BABAM2: variants seen among roughly 807,000 people sequenced by gnomAD.
The protein encoded by BABAM2 is BRISC and BRCA1-A complex member 2.
In BABAM2, 31 loss-of-function variants were observed where a neutral mutation model predicts 54.7. The ratio of observed to expected loss-of-function variants is 0.57; its 90% CI spans 0.43 to 0.77. The LOEUF is 0.77. Among genes scored for constraint, BABAM2 ranks in the 30% least tolerant of loss-of-function variants. BABAM2 has a pLI of 0.00. For synonymous variants in BABAM2, 167 were observed against 162.9 expected (o/e 1.03, Z -0.19); for missense variants, 364 against 455.8 (o/e 0.80, Z 1.83).
At chr2:28,058,916 G>A (rs1678647757) in intron 6 of BABAM2, among the ~76,000 whole-genome samples, 1 of 152,132 alleles carries the variant, frequency 6.6e-6, no homozygotes, top group South Asian at 2.1e-4. Flanking sequence ...AACAACAACG[G>A]CTCCTTCACT....
intron 9 of BABAM2, 95 bp from the exon 10 acceptor site, chr2:28,244,685 C>T (rs1682754837): frequency 1.7e-6 from 2 of 1,185,838 alleles, no homozygotes; most frequent in Non-Finnish European, 2.4e-6. Flanking sequence ...ATAACCCTGA[C>T]TTCACGAATA....
At chr2:28,244,742 G>T (rs751344615) in intron 9 of BABAM2, 38 bp from the exon 10 acceptor site, 3 of 1,550,710 alleles carry the variant, frequency 1.9e-6, no homozygotes, top group South Asian at 1.2e-5. Flanking sequence ...TTTTATGAGG[G>T]TTTTTTTTGT....
chr2:28,152,932 G>C (rs978104843), intron 7 of BABAM2, among the ~76,000 whole-genome samples: 2 of 152,162 alleles, frequency 1.3e-5, no homozygotes, highest in South Asian at 2.1e-4. Flanking sequence ...TTAGTTGGGG[G>C]CTGGGGTTGG....
intron 2 of BABAM2, among the ~76,000 whole-genome samples, chr2:27,927,997 C>A (rs182691384): frequency 1.3e-5 from 2 of 151,946 alleles, no homozygotes; most frequent in Non-Finnish European, 2.9e-5. Flanking sequence ...GTGCCTGCCA[C>A]CATGCCTGGT....
intron 11 of BABAM2, chr2:28,308,382 TTCA>T: frequency 2.0e-6 from 1 of 501,780 alleles, no homozygotes; most frequent in Non-Finnish European, 3.9e-6. Flanking sequence ...TGACCAATAA[TTCA>T]TCATCAGGTT....
intron 7 of BABAM2, among the ~76,000 whole-genome samples, chr2:28,189,178 C>T (rs189464325): frequency 2.0e-5 from 3 of 149,062 alleles, no homozygotes; most frequent in South Asian, 2.2e-4. Flanking sequence ...TCCAGTCTGG[C>T]GACAGAGTGA....
chr2:28,199,896 T>C (rs1352301148), intron 7 of BABAM2, among the ~76,000 whole-genome samples: 1 of 152,170 alleles, frequency 6.6e-6, no homozygotes, highest in Non-Finnish European at 1.5e-5. Flanking sequence ...AGGCATTGTG[T>C]GGAGCTGGAC....
chr2:28,181,807 CAAAAT>C (rs139950784), intron 7 of BABAM2, among the ~76,000 whole-genome samples: 12,333 of 148,182 alleles, frequency 0.083, 586 homozygotes, highest in Non-Finnish European at 0.1. Context: ...AAAAAAAAGA[CAAAAT>C]AAAGCAGGGA....
At chr2:28,296,751 G>A (rs367554359) in intron 10 of BABAM2, among the ~76,000 whole-genome samples, 10 of 152,102 alleles carry the variant, frequency 6.6e-5, no homozygotes, top group Admixed American at 2.6e-4. Context: ...GCAGTGGCGC[G>A]ATCACAGCTC....
chr2:27,976,668 C>T (rs1268850283), intron 3 of BABAM2, among the ~76,000 whole-genome samples: 1 of 152,066 alleles, frequency 6.6e-6, no homozygotes, highest in Non-Finnish European at 1.5e-5. Flanking sequence ...TGTTATACAA[C>T]TCTTATAGGT....
chr2:28,154,927 T>C (rs891587608), intron 7 of BABAM2, among the ~76,000 whole-genome samples: 4 of 152,214 alleles, frequency 2.6e-5, no homozygotes, highest in Non-Finnish European at 2.9e-5. Context: ...TGAGAATCAG[T>C]CTTTCACAGA....
chr2:28,008,126 AAGAC>A (rs1257167025), intron 4 of BABAM2, among the ~76,000 whole-genome samples: 1 of 152,186 alleles, frequency 6.6e-6, no homozygotes, highest in African/African-American at 2.4e-5. Flanking sequence ...ATCTCATAGA[AAGAC>A]AGTGATATGA....
chr2:28,113,964 G>A (rs758158857), intron 6 of BABAM2, among the ~76,000 whole-genome samples: 8 of 152,252 alleles, frequency 5.3e-5, no homozygotes, highest in Non-Finnish European at 8.8e-5. Flanking sequence ...TGATTGGTGT[G>A]TATAGGAATG....
At chr2:28,041,531 A>G (rs761650059) in intron 5 of BABAM2, among the ~76,000 whole-genome samples, 53 of 152,186 alleles carry the variant, frequency 3.5e-4, no homozygotes, top group Admixed American at 1.3e-4. Flanking sequence ...CACATCCTCC[A>G]GGGGTTTAGA....
At chr2:28,267,386 A>C (rs1014308391) in intron 10 of BABAM2, among the ~76,000 whole-genome samples, 2 of 150,696 alleles carry the variant, frequency 1.3e-5, no homozygotes, top group African/African-American at 4.9e-5. Flanking sequence ...GGCAGAGCCC[A>C]CCCCCAGGCC....
chr2:28,014,478 G>A (rs1185904256), intron 4 of BABAM2, among the ~76,000 whole-genome samples: 1 of 152,082 alleles, frequency 6.6e-6, no homozygotes, highest in Admixed American at 6.5e-5. Context: ...GTAAATGTGA[G>A]GACTTAACCT....
intron 6 of BABAM2, among the ~76,000 whole-genome samples, chr2:28,049,876 C>G (rs996706441): frequency 6.6e-6 from 1 of 152,202 alleles, no homozygotes; most frequent in Non-Finnish European, 1.5e-5. Context: ...CTGAGATTAT[C>G]TGATGCAGGA....
chr2:28,211,007 T>C (rs952410978), intron 7 of BABAM2, among the ~76,000 whole-genome samples: 1 of 152,250 alleles, frequency 6.6e-6, no homozygotes, highest in Non-Finnish European at 1.5e-5. Flanking sequence ...ATATTTGAAA[T>C]CTGATTTCAG....
chr2:28,125,355 A>G lies in BABAM2; in HGVS notation c.571-3916A>G, dbSNP rs373816113. On this transcript the variant is annotated intron_variant, in intron 6 of 11. Coordinates refer to ENST00000379624, the MANE Select transcript of BABAM2 (RefSeq NM_199191.3). Reference sequence around the variant, plus strand: ...GTCAGCCAGGCTGGAGTGCAGTGGCACCATCTCGGCTCACTGCAATCTCCG... The same window carrying G: ...GTCAGCCAGGCTGGAGTGCAGTGGCGCCATCTCGGCTCACTGCAATCTCCG... Among the ~76,000 whole-genome samples the G allele has an allele frequency of 4.1e-4, 63 of 152,024 alleles. No individual in the cohort carries two copies. In the East Asian group the frequency reaches 0.011, roughly 28 times the overall value.
Sources: allele counts gnomAD v4.1 joint callset (sites outside exome capture counted in the v4.1 genomes callset), GRCh38; gene constraint gnomAD v4.1.1; transcripts MANE v1.5; gene names NCBI Gene and HGNC (gene_info 2026-07-23, HGNC 2026-07-21).